Variants in EPB41L4A observed in about 807,000 individuals in gnomAD.
EPB41L4A encodes the protein band 4.1-like protein 4A.
In EPB41L4A, 100 loss-of-function variants were observed where a neutral mutation model predicts 108.6. That is an observed-to-expected ratio of 0.92 (90% CI 0.78 to 1.09). EPB41L4A has a LOEUF of 1.09. Among genes scored for constraint, EPB41L4A ranks in the 50% least tolerant of loss-of-function variants. EPB41L4A has a pLI of 0.00. For synonymous variants in EPB41L4A, 319 were observed against 289.0 expected, an observed-to-expected ratio of 1.10 and a Z score of -1.05; for missense variants, 1,030 against 842.7, an observed-to-expected ratio of 1.22 and a Z score of -2.75.
At chr5:112,161,430 A>C (rs1759894667), downstream of EPB41L4A, 2 of 484,168 alleles carry the variant, frequency 4.1e-6, no homozygotes, top group South Asian at 3.0e-5. Context: ...TGTAATCGGC[A>C]TTACTGTCAG....
chr5:112,165,125 T>TAAAAC lies in EPB41L4A; in HGVS notation c.1933-8_1933-7insGTTTT, dbSNP rs373187409. 1.3e-5 allele frequency: 21 copies of TAAAAC among 1,581,970 alleles called. No homozygotes were observed. The highest frequency in any genetic ancestry group is 1.8e-5 in the Non-Finnish European group (21 of 1,157,832). ...CTTTAGACCCATTTCTTCTCTAAAATATATTTGAAAAATGTAGAAAGATTC... is the reference window on the plus strand; with the variant it reads ...CTTTAGACCCATTTCTTCTCTAAAATAAAACATATTTGAAAAATGTAGAAAGATTC... On this transcript the variant is annotated splice_region_variant and splice_polypyrimidine_tract_variant and intron_variant, in intron 22 of 22. Transcript: ENST00000261486.
chr5:112,405,270 G>A (rs568680646), intron 1 of EPB41L4A, among the ~76,000 whole-genome samples: 2 of 152,280 alleles, frequency 1.3e-5, no homozygotes, highest in South Asian at 4.1e-4. Flanking sequence ...GTGAGGAACT[G>A]AGGGCTGCCC....
At chr5:112,154,576 C>T (rs75611589) in intron 12 of EPB41L4A, among the ~76,000 whole-genome samples, 12,052 of 152,090 alleles carry the variant, frequency 0.079, 632 homozygotes, top group Middle Eastern at 0.15. Context: ...TTTTAAAAGA[C>T]ATGATATTAA....
At chr5:112,274,527 C>G (rs934370979) in intron 4 of EPB41L4A, among the ~76,000 whole-genome samples, 3 of 152,030 alleles carry the variant, frequency 2.0e-5, no homozygotes, top group African/African-American at 7.2e-5. Flanking sequence ...GGAATAGAAA[C>G]AAAACCACAG....
In EPB41L4A at chr5:112,389,065, G is replaced by A. The variant is rs370606864; in HGVS notation, c.99+29876C>T. On this transcript the variant is annotated intron_variant, in intron 1 of 22. Coordinates refer to ENST00000261486, the MANE Select transcript of EPB41L4A (RefSeq NM_022140.5). ...GATCCCAGGAGAGGAATTGTTGGAC[G>A]TGGAAAAAAAAAATTCTATGGCTTA... Among the ~76,000 whole-genome samples the A allele has an allele frequency of 1.8e-4, 27 of 151,790 alleles. 1 individual carries two copies. Among genetic ancestry groups the A allele is most frequent in the Admixed American group, 9.2e-4 (14 of 15,280 alleles).
At chr5:112,409,320 TG>T (rs1762279938) in intron 1 of EPB41L4A, among the ~76,000 whole-genome samples, 1 of 152,064 alleles carries the variant, frequency 6.6e-6, no homozygotes, top group African/African-American at 2.4e-5. Flanking sequence ...TACACAGTGG[TG>T]GGGGCAGGGG....
intron 18 of EPB41L4A, among the ~76,000 whole-genome samples, chr5:112,178,528 C>T (rs907128874): frequency 2.6e-5 from 4 of 151,992 alleles, no homozygotes. Context: ...AAACCATATG[C>T]TAGGCCTTAA....
intron 1 of EPB41L4A, among the ~76,000 whole-genome samples, chr5:112,416,150 TTATC>T (rs1024818127): frequency 1.3e-4 from 20 of 152,096 alleles, no homozygotes; most frequent in African/African-American, 2.2e-4. Context: ...ATGAAAAACT[TTATC>T]TAAGTTGAAG....
intron 1 of EPB41L4A, among the ~76,000 whole-genome samples, chr5:112,324,208 G>A (rs1242763485): frequency 1.3e-5 from 2 of 152,134 alleles, no homozygotes; most frequent in Non-Finnish European, 2.9e-5. Flanking sequence ...CTTAACAGAT[G>A]AGAACGAAAA....
chr5:112,150,403 A>T (rs770018031), intron 12 of EPB41L4A, among the ~76,000 whole-genome samples: 20 of 151,282 alleles, frequency 1.3e-4, no homozygotes, highest in Non-Finnish European at 2.4e-4. Flanking sequence ...AAGACATAAA[A>T]GAGGGTGCAT....
intron 17 of EPB41L4A, among the ~76,000 whole-genome samples, chr5:112,193,304 CT>C (rs1000681607): frequency 6.6e-6 from 1 of 151,724 alleles, no homozygotes; most frequent in Admixed American, 6.6e-5. Flanking sequence ...TTCTTTCTTT[CT>C]TTTTTTTTCT....
At chr5:112,175,254 C>G (rs1760803381) in intron 18 of EPB41L4A, 1 of 152,210 alleles carries the variant, frequency 6.6e-6, no homozygotes. Flanking sequence ...AATACCTCTT[C>G]CAAATATCCC....
At chr5:112,419,668 G>A (rs1447738767), upstream of EPB41L4A, 2 of 456,462 alleles carry the variant, frequency 4.4e-6, no homozygotes, top group Admixed American at 2.3e-5. Flanking sequence ...AGGGGCAGAG[G>A]CGAAGGTCGT....
intron 2 of EPB41L4A, among the ~76,000 whole-genome samples, chr5:112,284,444 G>A (rs189698665): frequency 3.3e-5 from 5 of 152,192 alleles, no homozygotes; most frequent in African/African-American, 9.6e-5. Flanking sequence ...AGATGGTCAC[G>A]AGGAGAAATA....
Position 112,201,880 on chromosome 5 carries a change from A to C in EPB41L4A, c.1376+2495T>G, listed in dbSNP as rs187790564. On this transcript the variant is annotated intron_variant, in intron 15 of 22. Coordinates refer to ENST00000261486, the MANE Select transcript of EPB41L4A (RefSeq NM_022140.5). ...GATTCCAATCCCATGTGTGCCACAG[A>C]GGACAAGCTACCATCATCTCCCTGA... Among the ~76,000 whole-genome samples the C allele has an allele frequency of 1.5e-3, 235 of 152,304 alleles. 2 individuals are homozygous for C. The highest frequency in any genetic ancestry group is 5.4e-3 in the African/African-American group (224 of 41,568).
rs1762424773 is a variant in EPB41L4A, at chr5:112,205,408, T to C, written c.1262+13A>G. The stretch of plus-strand genomic sequence containing the variant: ...TCTACTGTCTCCTTTATAAAAACAA[T>C]GATTCCCTTTACCTCTGGGGGCCAT... On this transcript the variant is annotated intron_variant, in intron 14 of 22. Coordinates refer to ENST00000261486, the MANE Select transcript of EPB41L4A (RefSeq NM_022140.5). The C allele has an allele frequency of 6.2e-7, 1 of 1,606,356 alleles. No individual in the cohort carries two copies. The highest frequency in any genetic ancestry group is 1.1e-5 in the South Asian group (1 of 90,946).
chr5:112,178,582 T>C (rs1340460038), intron 18 of EPB41L4A, among the ~76,000 whole-genome samples: 2 of 135,934 alleles, frequency 1.5e-5, no homozygotes, highest in Non-Finnish European at 3.4e-5. Flanking sequence ...TGTTCAGACT[T>C]TTTTTTTTAA....
intron 9 of EPB41L4A, among the ~76,000 whole-genome samples, chr5:112,247,345 T>A (rs1020108704): frequency 6.6e-6 from 1 of 152,160 alleles, no homozygotes; most frequent in East Asian, 1.9e-4. Flanking sequence ...CTGCATTCTA[T>A]CAAGATAAAT....
rs573428891 is a variant in EPB41L4A, at chr5:112,155,906, AC to A, written n.994+2494del. Among the ~76,000 whole-genome samples, 436 of 152,274 alleles carry A rather than the reference AC, an allele frequency of 2.9e-3. 6 individuals carry two copies. The highest frequency in any genetic ancestry group is 9.9e-3 in the African/African-American group (412 of 41,554). The stretch of plus-strand genomic sequence containing the variant: ...TGATCAGAACGTCTGATTTTCAGAA[AC>A]AAATTATTAATGTTAAGTAGATATG... On this transcript the variant is annotated intron_variant and non_coding_transcript_variant, in intron 12 of 13. Coordinates refer to the EPB41L4A transcript ENST00000507810.
Sources: gnomAD v4.1 joint callset for allele counts (sites outside exome capture counted in the v4.1 genomes callset) on GRCh38, gnomAD v4.1.1 for gene constraint, MANE v1.5 for transcripts, NCBI Gene and HGNC (gene_info 2026-07-23, HGNC 2026-07-21) for gene names.